The following LDAF1 variants were observed in gnomAD, a reference collection of about 807,000 sequenced individuals.
LDAF1 encodes the protein lipid droplet assembly factor 1.
In LDAF1, 7 loss-of-function variants were observed where a neutral mutation model predicts 13.5. That is an observed-to-expected ratio of 0.52 (90% confidence interval 0.29 to 0.97). The LOEUF (loss-of-function observed/expected upper bound fraction) is 0.97. Among genes scored for constraint, LDAF1 ranks in the 50% least tolerant of loss-of-function variants. LDAF1 has a pLI of 0.07. For synonymous variants in LDAF1, 69 were observed against 77.1 expected, an observed-to-expected ratio of 0.89 and a Z score of 0.55; for missense variants, 148 against 193.2, an observed-to-expected ratio of 0.77 and a Z score of 1.39.
At chr16:21,175,459 A>T (rs969118490) in intron 4 of LDAF1, among the ~76,000 whole-genome samples, 1 of 152,246 alleles carries the variant, frequency 6.6e-6, no homozygotes, top group Non-Finnish European at 1.5e-5. Context: ...GGAAAGGGCC[A>T]GACAGGAAGT....
intron 1 of LDAF1, chr16:21,160,056 A>G: frequency 1.4e-6 from 1 of 726,442 alleles, no homozygotes; most frequent in Non-Finnish European, 1.7e-6. Context: ...ATGTGCTTTA[A>G]TTTGCATACT....
chr16:21,168,545 A>G (rs1469732927), intron 2 of LDAF1, among the ~76,000 whole-genome samples: 2 of 145,454 alleles, frequency 1.4e-5, no homozygotes, highest in African/African-American at 5.0e-5. Flanking sequence ...ATAATATAAT[A>G]CATATTATAA....
At chr16:21,169,249 G>C in intron 2 of LDAF1, 3 of 739,192 alleles carry the variant, frequency 4.1e-6, no homozygotes, top group Non-Finnish European at 5.0e-6. Context: ...ACGACACCTG[G>C]GGAATCTTGT....
chr16:21,162,259 C>G (rs1473449759), intron 2 of LDAF1, among the ~76,000 whole-genome samples: 1 of 152,078 alleles, frequency 6.6e-6, no homozygotes, highest in Non-Finnish European at 1.5e-5. Context: ...AAAAAAGATT[C>G]TTGAAACATT....
intron 1 of LDAF1, chr16:21,159,460 A>G (rs375052054): frequency 8.7e-6 from 14 of 1,609,428 alleles, no homozygotes; most frequent in Non-Finnish European, 1.2e-5. Flanking sequence ...CAGAGATGTG[A>G]CCCCTCCTCC....
At chr16:21,159,301 C>T (rs2092934728) in intron 1 of LDAF1, 1 of 1,596,984 alleles carries the variant, frequency 6.3e-7, no homozygotes, top group Non-Finnish European at 8.6e-7. Context: ...TCTGTGCCTT[C>T]TGGGACGCGG....
rs1355921476 is a variant in LDAF1, at chr16:21,170,502, C to G, written c.162C>G (p.Thr54=). The G allele has an allele frequency of 6.2e-7, 1 of 1,613,990 alleles. No individual in the cohort carries two copies. The highest frequency in any genetic ancestry group is 1.3e-5 in the African/African-American group (1 of 74,884). Residue 54 remains threonine, a synonymous_variant, in exon 3 of 5, where the codon ACC becomes ACG. Transcript: ENST00000233047. The stretch of plus-strand genomic sequence containing the variant: ...ACAGCCATCCGTTTCTGGCCTTCAC[C>G]TTGCTGGTGTTCATTGTCATGTCGG... ...YLDSHPFLAF[T]LLVFIVMSAV...
In LDAF1 at chr16:21,161,223, A is replaced by C; in HGVS notation, c.41A>C (p.Gln14Pro). The C allele has an allele frequency of 6.2e-7, 1 of 1,614,242 alleles. No homozygotes were observed. Among genetic ancestry groups the C allele is most frequent in the Non-Finnish European group, 8.5e-7 (1 of 1,180,052 alleles). ...CCCCAGAGTATCTCAAGGGACTTGC[A>C]GGAACTGCAGAAGAAGCTGTCTCTG... ...EEPQSISRDLQELQKKLSLLI... is the reference protein window; with the variant it reads ...EEPQSISRDLPELQKKLSLLI... The change falls in exon 2 of 5, where the codon CAG becomes CCG. Residue 14 changes from glutamine (Q) to proline (P), a missense_variant. Transcript: ENST00000233047.
At chr16:21,165,891 G>T (rs1330035289) in intron 2 of LDAF1, among the ~76,000 whole-genome samples, 3 of 151,960 alleles carry the variant, frequency 2.0e-5, no homozygotes, top group Non-Finnish European at 4.4e-5. Context: ...ATGGAGTCTC[G>T]CTCTGTCGCC....
At position 21,170,299 on chromosome 16, in the gene LDAF1, G is replaced by A. The variant is rs112848096; in HGVS notation, c.97-138G>A. On this transcript the variant is annotated intron_variant, in intron 2 of 4. Transcript: ENST00000233047. The stretch of plus-strand genomic sequence containing the variant: ...ATTACAGACATGAGCCACTGCACCC[G>A]GCCTGTAGTGACTTGTTAATGCATA... 2,883 of 1,528,538 alleles carry A rather than the reference G, an allele frequency of 1.9e-3. 3 individuals carry two copies. The highest frequency in any genetic ancestry group is 2.2e-3 in the Non-Finnish European group (2,516 of 1,139,654). The allele number at this position is 1,528,538 out of a possible 1,614,324, so 94.7% of individuals were successfully genotyped here. A position where few individuals can be genotyped will look rare whatever the true frequency, so the allele number is the denominator to read the frequency against.
At chr16:21,166,875 T>C (rs1199921613) in intron 2 of LDAF1, 1 of 1,535,730 alleles carries the variant, frequency 6.5e-7, no homozygotes, top group Non-Finnish European at 8.7e-7. Context: ...TGGACTCTGA[T>C]GATGGAGTGT....
chr16:21,170,294 C>T, intron 2 of LDAF1, 143 bp from the exon 3 acceptor site: 4 of 1,516,582 alleles, frequency 2.6e-6, no homozygotes, highest in Non-Finnish European at 3.5e-6. Flanking sequence ...TGAGCCACTG[C>T]ACCCGGCCTG....
chr16:21,168,656 A>G (rs2093050713), intron 2 of LDAF1, among the ~76,000 whole-genome samples: 1 of 139,850 alleles, frequency 7.2e-6, no homozygotes, highest in African/African-American at 2.6e-5. Flanking sequence ...ATAATTATAC[A>G]ATATTATAAT....
chr16:21,165,646 C>G lies in LDAF1; in HGVS notation c.96+4368C>G, dbSNP rs76347321. 3.1e-6 allele frequency: 3 copies of G among 957,436 alleles called. No homozygotes were observed. The Admixed American group carries it at 1.9e-4, about 59-fold the overall frequency. 59.3% of individuals were successfully genotyped at this position (957,436 alleles called of 1,614,324 possible). On this transcript the variant is annotated intron_variant, in intron 2 of 4. Transcript: ENST00000233047. ...TTCCTGCAAATCTTTCTACCTGCCT[C>G]TTGCACATGATTGCTAGGTTCATAT...
chr16:21,158,832 G>C (rs1245708767), intron 1 of LDAF1, 86 bp downstream of exon 1: 1 of 161,454 alleles, frequency 6.2e-6, no homozygotes, highest in South Asian at 1.6e-4. Flanking sequence ...GGAGGAGCGC[G>C]GGGGCGACGG....
At chr16:21,170,360 C>G in intron 2 of LDAF1, 77 bp from the exon 3 acceptor site, 1 of 1,588,176 alleles carries the variant, frequency 6.3e-7, no homozygotes, top group South Asian at 1.1e-5. Flanking sequence ...CTTGTAATTC[C>G]CACAGCTTGG....
intron 2 of LDAF1, chr16:21,166,822 CCT>C: frequency 2.0e-6 from 3 of 1,535,388 alleles, no homozygotes; most frequent in South Asian, 1.2e-5. Context: ...GGCTCCTCCG[CCT>C]CTCTTTCTCT....
At chr16:21,167,063 C>T (rs572153375) in intron 2 of LDAF1, among the ~76,000 whole-genome samples, 9 of 152,288 alleles carry the variant, frequency 5.9e-5, no homozygotes, top group African/African-American at 1.2e-4. Flanking sequence ...GGCCATGCCT[C>T]GAGAGTAATC....
chr16:21,178,269 G>A (rs962868574), intron 4 of LDAF1: 2 of 985,154 alleles, frequency 2.0e-6, no homozygotes, highest in African/African-American at 3.5e-5. Context: ...GGGGCCCTGG[G>A]CAGCTGTGTT....
Sources: gnomAD v4.1 joint callset for allele counts (sites outside exome capture counted in the v4.1 genomes callset) on GRCh38, gnomAD v4.1.1 for gene constraint, MANE v1.5 for transcripts, NCBI Gene and HGNC (gene_info 2026-07-23, HGNC 2026-07-21) for gene names.